The following ASB3 variants were observed in gnomAD, a reference collection of about 807,000 sequenced individuals.
ASB3 encodes the protein ankyrin repeat and SOCS box containing 3.
In ASB3, 41 loss-of-function variants were observed where a neutral mutation model predicts 54.5. That is an observed-to-expected ratio of 0.75 (90% confidence interval 0.59 to 0.98). ASB3 has a LOEUF of 0.98. Ranked by LOEUF, ASB3 falls within the 50% of genes least tolerant of loss-of-function variation. The probability of loss-of-function intolerance (pLI) is 0.00; values close to 1 mark genes in which losing one functional copy is unlikely to be tolerated. For synonymous variants in ASB3, 266 were observed against 221.2 expected, an observed-to-expected ratio of 1.20 and a Z score of -1.80; for missense variants, 733 against 620.0, an observed-to-expected ratio of 1.18 and a Z score of -1.94.
chr2:53,680,052 G>A (rs893340869), intron 9 of ASB3, among the ~76,000 whole-genome samples: 1 of 152,110 alleles, frequency 6.6e-6, no homozygotes, highest in Non-Finnish European at 1.5e-5. Context: ...CTCCACCTCT[G>A]TTCCTGCAAA....
At chr2:53,777,900 A>G (rs1674431937) in intron 1 of ASB3, among the ~76,000 whole-genome samples, 1 of 152,148 alleles carries the variant, frequency 6.6e-6, no homozygotes, top group Non-Finnish European at 1.5e-5. Context: ...TAATCCCAGC[A>G]CTTTGGGAGA....
chr2:53,719,113 C>T (rs895926185), intron 5 of ASB3, among the ~76,000 whole-genome samples: 18 of 152,022 alleles, frequency 1.2e-4, no homozygotes, highest in East Asian at 1.9e-4. Flanking sequence ...CAGATAGAGA[C>T]GGGGTTTCAC....
intron 3 of ASB3, among the ~76,000 whole-genome samples, chr2:53,743,710 G>C (rs1448430278): frequency 2.0e-5 from 3 of 152,172 alleles, no homozygotes; most frequent in Non-Finnish European, 4.4e-5. Flanking sequence ...GGTAAAACCA[G>C]AAAGATAATA....
At chr2:53,684,176 C>T (rs760008211) in intron 9 of ASB3, among the ~76,000 whole-genome samples, 1 of 152,144 alleles carries the variant, frequency 6.6e-6, no homozygotes, top group Admixed American at 6.5e-5. Flanking sequence ...TAACTAGATT[C>T]GTACATGCCT....
chr2:53,678,133 C>A (rs1668180365), intron 9 of ASB3, among the ~76,000 whole-genome samples: 1 of 98,406 alleles, frequency 1.0e-5, no homozygotes, highest in Non-Finnish European at 2.0e-5. Context: ...CATATAGTTA[C>A]CTTGCTGGTG....
intron 9 of ASB3, among the ~76,000 whole-genome samples, chr2:53,671,746 G>T (rs920536113): frequency 6.8e-6 from 1 of 146,428 alleles, no homozygotes; most frequent in African/African-American, 2.5e-5. Flanking sequence ...GCAACAAGAG[G>T]GAAACTCCTT....
rs549453348 is a variant in ASB3 at position 53,747,578 on chromosome 2, CA to C, written c.355+3204del. On this transcript the variant is annotated intron_variant, in intron 3 of 9. Coordinates refer to ENST00000263634, the MANE Select transcript of ASB3 (RefSeq NM_016115.5). ...ATACGTTTCAAAGCTCTGCGATAAA[CA>C]AATGTTGTTTAAGAGAGGTCTTCTC... Among the ~76,000 whole-genome samples, 10 of 152,264 alleles carry C rather than the reference CA, an allele frequency of 6.6e-5. No individual in the cohort carries two copies. The East Asian group carries it at 1.9e-3, about 29-fold the overall frequency.
intron 7 of ASB3, among the ~76,000 whole-genome samples, chr2:53,710,589 A>T (rs1670039160): frequency 6.6e-6 from 1 of 152,230 alleles, no homozygotes; most frequent in Non-Finnish European, 1.5e-5. Context: ...GTTATGCTGT[A>T]TAAATTCTGA....
chr2:53,733,361 C>T (rs1038223854), intron 3 of ASB3, among the ~76,000 whole-genome samples: 3 of 151,642 alleles, frequency 2.0e-5, no homozygotes, highest in Admixed American at 1.3e-4. Context: ...TTATTTTTTC[C>T]GTATCTCATG....
intron 2 of ASB3, among the ~76,000 whole-genome samples, chr2:53,760,100 T>C (rs1244920463): frequency 6.6e-6 from 1 of 152,166 alleles, no homozygotes; most frequent in Non-Finnish European, 1.5e-5. Flanking sequence ...TTTTCACATG[T>C]CTTTCTAATT....
chr2:53,750,949 A>C lies in ASB3; in HGVS notation c.197-8T>G. ...TGTAGTTTTCAGATGAATCTGTGGA[A>C]GAATCAAAGCCCATCAACTAGAAGG... On this transcript the variant is annotated splice_polypyrimidine_tract_variant and splice_region_variant and intron_variant, in intron 2 of 9. Transcript: ENST00000263634. The C allele has an allele frequency of 6.5e-7, 1 of 1,528,688 alleles. No homozygotes were observed. Among genetic ancestry groups the C allele is most frequent in the Non-Finnish European group, 8.8e-7 (1 of 1,138,914 alleles). 94.7% of individuals were successfully genotyped at this position (1,528,688 alleles called of 1,614,324 possible). A position where few individuals can be genotyped will look rare whatever the true frequency, so the allele number is the denominator to read the frequency against.
intron 1 of ASB3, among the ~76,000 whole-genome samples, chr2:53,783,410 CCTAT>C (rs1674763505): frequency 6.6e-6 from 1 of 151,756 alleles, no homozygotes; most frequent in Non-Finnish European, 1.5e-5. Flanking sequence ...TTTGGAAGAA[CCTAT>C]CTAAATTCTG....
chr2:53,744,475 G>A (rs1448683476), intron 3 of ASB3, among the ~76,000 whole-genome samples: 1 of 151,502 alleles, frequency 6.6e-6, no homozygotes, highest in Non-Finnish European at 1.5e-5. Context: ...ACAAACAAAA[G>A]TAAAACCAGA....
chr2:53,715,266 G>A (rs899242680), intron 6 of ASB3, among the ~76,000 whole-genome samples: 4 of 152,232 alleles, frequency 2.6e-5, no homozygotes, highest in Non-Finnish European at 5.9e-5. Flanking sequence ...AAGAAAAAAG[G>A]ACTATTCTAC....
At chr2:53,761,503 A>G (rs1413732310) in intron 2 of ASB3, among the ~76,000 whole-genome samples, 1 of 151,854 alleles carries the variant, frequency 6.6e-6, no homozygotes, top group Non-Finnish European at 1.5e-5. Flanking sequence ...GATACTGGAG[A>G]TCCTGATCCT....
chr2:53,722,085 A>G (rs1670744216), intron 5 of ASB3, among the ~76,000 whole-genome samples: 1 of 152,150 alleles, frequency 6.6e-6, no homozygotes, highest in Non-Finnish European at 1.5e-5. Flanking sequence ...GAGAAAATCT[A>G]GAGGAAATGG....
chr2:53,768,609 C>T (rs1480086750), intron 1 of ASB3, among the ~76,000 whole-genome samples: 1 of 152,138 alleles, frequency 6.6e-6, no homozygotes. Flanking sequence ...GTTTTCAGTA[C>T]TAGTGAAGTT....
At chr2:53,682,831 C>T (rs368557322) in intron 9 of ASB3, among the ~76,000 whole-genome samples, 2 of 152,134 alleles carry the variant, frequency 1.3e-5, no homozygotes, top group African/African-American at 4.8e-5. Flanking sequence ...ATTTTGTATC[C>T]TGAAAACTTA....
intron 2 of ASB3, among the ~76,000 whole-genome samples, chr2:53,759,509 C>T (rs541684873): frequency 6.6e-6 from 1 of 152,182 alleles, no homozygotes; most frequent in East Asian, 1.9e-4. Flanking sequence ...ACTTAGAAAC[C>T]CTACTGAACT....
Sources: allele counts gnomAD v4.1 joint callset (sites outside exome capture counted in the v4.1 genomes callset), GRCh38; gene constraint gnomAD v4.1.1; transcripts MANE v1.5; gene names NCBI Gene and HGNC (gene_info 2026-07-23, HGNC 2026-07-21).